Variants in TTC7B observed in about 807,000 individuals in gnomAD.
TTC7B encodes the protein tetratricopeptide repeat domain 7B, also known as tetratricopeptide repeat protein 7B.
In TTC7B, 28 loss-of-function variants were observed where a neutral mutation model predicts 106.8. The observed-to-expected ratio is 0.26, with a 90% CI of 0.19 to 0.36. TTC7B has a LOEUF of 0.36. Among genes scored for constraint, TTC7B ranks in the 10% least tolerant of loss-of-function variants. The probability of loss-of-function intolerance (pLI) is 1.00; values close to 1 mark genes in which losing one functional copy is unlikely to be tolerated. For synonymous variants in TTC7B, 405 were observed against 430.6 expected (o/e 0.94, Z 0.74); for missense variants, 862 against 1,076.4 (o/e 0.80, Z 2.79).
chr14:90,725,387 C>G (rs1889057897), intron 5 of TTC7B, among the ~76,000 whole-genome samples: 1 of 151,754 alleles, frequency 6.6e-6, no homozygotes, highest in African/African-American at 2.4e-5. Flanking sequence ...GAAGCACCCT[C>G]CTCAGCAGCC....
chr14:90,765,094 GC>G (rs771217357), intron 3 of TTC7B, among the ~76,000 whole-genome samples: 2 of 152,120 alleles, frequency 1.3e-5, no homozygotes, highest in Non-Finnish European at 2.9e-5. Context: ...AACAAAATAT[GC>G]AAAATGGTAT....
chr14:90,780,976 GC>G, intron 2 of TTC7B, 70 bp from the exon 3 acceptor site: 2 of 1,408,506 alleles, frequency 1.4e-6, no homozygotes, highest in South Asian at 1.2e-5. Flanking sequence ...TCAGAGTCTG[GC>G]CAGCTGCTGC....
rs1467086386 is a variant in TTC7B at position 90,529,438 on chromosome 14, G to A, written c.*11930C>T. The A allele has an allele frequency of 6.6e-6, 1 of 152,180 alleles. No homozygotes were observed. 9.4% of individuals were successfully genotyped at this position (152,180 alleles called of 1,614,324 possible). A position where few individuals can be genotyped will look rare whatever the true frequency, so the allele number is the denominator to read the frequency against. On this transcript the variant is annotated 3_prime_UTR_variant, in exon 20 of 20. Transcript: ENST00000328459. ...AGCCCATGGAAAATGCACAAACTAA[G>A]CCCTCAATAAATATAGCCTGATGAA... is the stretch of plus-strand genomic sequence containing the variant.
At position 90,526,059 on chromosome 14, in the gene TTC7B, G is replaced by A. The variant is rs1458745112; in HGVS notation, c.*15309C>T. The stretch of plus-strand genomic sequence containing the variant: ...TTCTCTGGGGTACATACTAAGAGAG[G>A]AATTCCTGGATAATTCTATGTCTAA... On this transcript the variant is annotated 3_prime_UTR_variant, in exon 20 of 20. Transcript: ENST00000328459. 6.6e-6 allele frequency: 1 copy of A among 151,950 alleles called. No individual in the cohort carries two copies. The highest frequency in any genetic ancestry group is 1.5e-5 in the Non-Finnish European group (1 of 67,988). The allele number at this position is 151,950 out of a possible 1,614,324, so 9.4% of individuals were successfully genotyped here.
At chr14:90,714,172 G>A (rs1888555955) in intron 5 of TTC7B, among the ~76,000 whole-genome samples, 2 of 152,044 alleles carry the variant, frequency 1.3e-5, no homozygotes, top group East Asian at 1.9e-4. Flanking sequence ...GGAGTTTGCA[G>A]TGAGCCGAGA....
At chr14:90,699,353 A>G in intron 5 of TTC7B, 1 of 386,990 alleles carries the variant, frequency 2.6e-6, no homozygotes, top group South Asian at 2.0e-5. Context: ...GGCTACTTCA[A>G]TAATAAGCTC....
chr14:90,694,070 GAA>G (rs1887576730), intron 6 of TTC7B, among the ~76,000 whole-genome samples: 2 of 152,300 alleles, frequency 1.3e-5, no homozygotes, highest in South Asian at 4.1e-4. Flanking sequence ...GAGGAAGCTT[GAA>G]AGCATTATGC....
intron 18 of TTC7B, among the ~76,000 whole-genome samples, chr14:90,583,920 G>A (rs1336724272): frequency 2.0e-5 from 3 of 152,230 alleles, no homozygotes; most frequent in Non-Finnish European, 2.9e-5. Flanking sequence ...GGGCCCTGCC[G>A]CCTTTCCAAC....
At chr14:90,548,705 A>T (rs1048918441) in intron 19 of TTC7B, among the ~76,000 whole-genome samples, 13 of 152,186 alleles carry the variant, frequency 8.5e-5, no homozygotes, top group Non-Finnish European at 1.6e-4. Context: ...TGAATAAATG[A>T]GCAGACCCAG....
At chr14:90,771,257 T>C (rs760812409) in intron 3 of TTC7B, among the ~76,000 whole-genome samples, 2 of 152,114 alleles carry the variant, frequency 1.3e-5, no homozygotes, top group Non-Finnish European at 2.9e-5. Context: ...ATATTTATAA[T>C]ATAAAAACTG....
chr14:90,780,983 G>A, intron 2 of TTC7B, 77 bp from the exon 3 acceptor site: 1 of 1,385,896 alleles, frequency 7.2e-7, no homozygotes, highest in Non-Finnish European at 1.0e-6. Context: ...CTGGCCAGCT[G>A]CTGCCGTAAA....
chr14:90,625,244 A>T (rs1884388770), intron 15 of TTC7B, among the ~76,000 whole-genome samples: 1 of 152,216 alleles, frequency 6.6e-6, no homozygotes, highest in African/African-American at 2.4e-5. Flanking sequence ...GAGAAGGCAG[A>T]TGGGAATGTG....
chr14:90,693,769 A>G (rs557385747), intron 6 of TTC7B, among the ~76,000 whole-genome samples: 1 of 152,348 alleles, frequency 6.6e-6, no homozygotes, highest in South Asian at 2.1e-4. Context: ...GGAATGTAAT[A>G]TGGTACAGCT....
chr14:90,565,550 C>T (rs916689169), intron 19 of TTC7B, among the ~76,000 whole-genome samples: 7 of 151,838 alleles, frequency 4.6e-5, no homozygotes, highest in Admixed American at 2.0e-4. Flanking sequence ...TACAGGCATG[C>T]GCCACCATGC....
At chr14:90,785,736 G>A (rs1891365018) in intron 2 of TTC7B, among the ~76,000 whole-genome samples, 1 of 152,152 alleles carries the variant, frequency 6.6e-6, no homozygotes, top group Non-Finnish European at 1.5e-5. Context: ...TGTGACGCCA[G>A]GCCTGCTGGC....
chr14:90,637,844 A>G (rs1486890539), intron 15 of TTC7B, among the ~76,000 whole-genome samples: 1 of 152,242 alleles, frequency 6.6e-6, no homozygotes, highest in Non-Finnish European at 1.5e-5. Flanking sequence ...TAAACCAGGA[A>G]GAAGGAAACT....
At chr14:90,563,132 C>T (rs1437722395) in intron 19 of TTC7B, among the ~76,000 whole-genome samples, 5 of 152,204 alleles carry the variant, frequency 3.3e-5, no homozygotes, top group Non-Finnish European at 5.9e-5. Context: ...ACTCAAACTA[C>T]ATTATCTTAC....
chr14:90,779,553 C>T (rs555780732), intron 3 of TTC7B, among the ~76,000 whole-genome samples: 5 of 152,322 alleles, frequency 3.3e-5, no homozygotes, highest in Non-Finnish European at 7.4e-5. Flanking sequence ...GATCTGCCCG[C>T]CTTGGCCTCC....
At chr14:90,550,157 C>G (rs1296089232) in intron 19 of TTC7B, among the ~76,000 whole-genome samples, 1 of 152,100 alleles carries the variant, frequency 6.6e-6, no homozygotes, top group Non-Finnish European at 1.5e-5. Context: ...CTCACCTACC[C>G]CAGACCCTAA....
Sources: gnomAD v4.1 joint callset for allele counts (sites outside exome capture counted in the v4.1 genomes callset) on GRCh38, gnomAD v4.1.1 for gene constraint, MANE v1.5 for transcripts, NCBI Gene and HGNC (gene_info 2026-07-23, HGNC 2026-07-21) for gene names.